The following HSD17B2 variants were observed in gnomAD, a reference collection of about 807,000 sequenced individuals.
HSD17B2 encodes the protein 17-beta-hydroxysteroid dehydrogenase type 2.
Under a neutral mutation model 26.9 loss-of-function variants are expected in HSD17B2, and 32 were observed. The observed-to-expected ratio is 1.19, with a 90% confidence interval of 0.90 to 1.60. The LOEUF (loss-of-function observed/expected upper bound fraction) is 1.60, where lower values mean the gene tolerates loss of function less well. Ranked by LOEUF, HSD17B2 falls within the 40% of genes most tolerant of loss-of-function variation. The pLI, the probability that HSD17B2 is intolerant of heterozygous loss-of-function variation, is 0.00. For missense variants in HSD17B2, 613 were observed against 468.6 expected, an observed-to-expected ratio of 1.31 and a Z score of -2.85; for synonymous variants, 246 against 186.7, an observed-to-expected ratio of 1.32 and a Z score of -2.59.
At chr16:82,073,936 A>C (rs1914754717) in intron 3 of HSD17B2, among the ~76,000 whole-genome samples, 1 of 152,210 alleles carries the variant, frequency 6.6e-6, no homozygotes, top group South Asian at 2.1e-4. Context: ...GCATCACACT[A>C]CCTGAATTCA....
At chr16:82,041,779 T>C (rs909883615) in intron 1 of HSD17B2, among the ~76,000 whole-genome samples, 53 of 152,206 alleles carry the variant, frequency 3.5e-4, no homozygotes, top group African/African-American at 1.2e-3. Context: ...CCTTCTTATA[T>C]GGCTGCATTC....
intron 3 of HSD17B2, among the ~76,000 whole-genome samples, chr16:82,081,890 A>G (rs1050145582): frequency 4.6e-5 from 7 of 152,314 alleles, no homozygotes; most frequent in African/African-American, 1.7e-4. Flanking sequence ...TGTGGTACAT[A>G]TGCAGCATGG....
chr16:82,035,327 T>C lies in HSD17B2; in HGVS notation c.-98T>C. On this transcript the variant is annotated 5_prime_UTR_variant, in exon 1 of 5. Transcript: ENST00000199936. ...TGGGGCTGCTTTCTCCCCTCCCTTC[T>C]TGACTCTCTGTTCACAGAACTCAGG... 8.4e-7 allele frequency: 1 copy of C among 1,192,750 alleles called. No homozygotes were observed. Among genetic ancestry groups the C allele is most frequent in the Non-Finnish European group, 1.2e-6 (1 of 838,804 alleles). The allele number at this position is 1,192,750 out of a possible 1,614,324, so 73.9% of individuals were successfully genotyped here.
Position 82,068,239 on chromosome 16 carries a change from G to C in HSD17B2, c.335G>C (p.Gly112Ala). 2 of 1,614,036 alleles carry C rather than the reference G, an allele frequency of 1.2e-6. No homozygotes were observed. The highest frequency in any genetic ancestry group is 1.7e-6 in the Non-Finnish European group (2 of 1,180,020). Residue 112 changes from glycine to alanine, a missense_variant, in exon 2 of 5, where the codon GGA becomes GCA. Physicochemically the swap from Gly to Ala is moderately conservative, Grantham distance 60. Transcript: ENST00000199936. Reference protein sequence around the residue: ...LDELGFTVFAGVLNENGPGAE... With the variant: ...LDELGFTVFAAVLNENGPGAE... ...GAGCTGGGCTTCACGGTATTTGCCG[G>C]AGTTTTGAATGAAAATGGCCCAGGA...
intron 1 of HSD17B2, among the ~76,000 whole-genome samples, chr16:82,056,839 T>C (rs911747868): frequency 1.3e-5 from 2 of 152,222 alleles, no homozygotes; most frequent in Non-Finnish European, 2.9e-5. Flanking sequence ...TAGAATCTTA[T>C]GGACGTAGGG....
At chr16:82,065,254 A>G (rs1914543006) in intron 1 of HSD17B2, among the ~76,000 whole-genome samples, 1 of 152,192 alleles carries the variant, frequency 6.6e-6, no homozygotes, top group African/African-American at 2.4e-5. Context: ...GACAGTTTGC[A>G]TGCCTTCATG....
At chr16:82,076,323 A>T (rs1904302123) in intron 3 of HSD17B2, among the ~76,000 whole-genome samples, 2 of 152,226 alleles carry the variant, frequency 1.3e-5, no homozygotes. Context: ...TCTAAGATCT[A>T]GAACACGACA....
chr16:82,037,719 A>G (rs370524151), intron 1 of HSD17B2, among the ~76,000 whole-genome samples: 1 of 152,238 alleles, frequency 6.6e-6, no homozygotes, highest in East Asian at 1.9e-4. Context: ...GGGTATAACA[A>G]TGTGCAACCA....
intron 1 of HSD17B2, among the ~76,000 whole-genome samples, chr16:82,047,388 G>A (rs1391700328): frequency 6.6e-6 from 1 of 152,194 alleles, no homozygotes; most frequent in Non-Finnish European, 1.5e-5. Flanking sequence ...GTGTGGAAAG[G>A]GGATTAGAAT....
intron 3 of HSD17B2, among the ~76,000 whole-genome samples, chr16:82,080,819 C>T (rs139178871): frequency 1.8e-4 from 28 of 152,322 alleles, no homozygotes; most frequent in Admixed American, 9.1e-4. Flanking sequence ...TGAAGGAACG[C>T]TTAGCACTTT....
At chr16:82,077,423 C>A (rs1904308118) in intron 3 of HSD17B2, among the ~76,000 whole-genome samples, 1 of 152,164 alleles carries the variant, frequency 6.6e-6, no homozygotes, top group Non-Finnish European at 1.5e-5. Context: ...AAAGGACAGT[C>A]TATTCAATAA....
chr16:82,079,996 G>A (rs1460017608), intron 3 of HSD17B2, among the ~76,000 whole-genome samples: 1 of 152,006 alleles, frequency 6.6e-6, no homozygotes, highest in African/African-American at 2.4e-5. Context: ...GCACGTGGTT[G>A]CCCTGACCCA....
At position 82,035,490 on chromosome 16, in the gene HSD17B2, A is replaced by G. The variant is rs1367156173; in HGVS notation, c.66A>G (p.Thr22=). The G allele has an allele frequency of 1.9e-6, 3 of 1,613,936 alleles. No individual in the cohort carries two copies. In the African/African-American group the frequency reaches 4.0e-5, roughly 22 times the overall value. ...CTGTCCCCACAGTACTATGTGGGACAGTATTTTGCAAATACAAGAAGAGCT... is the reference window on the plus strand; with the variant it reads ...CTGTCCCCACAGTACTATGTGGGACGGTATTTTGCAAATACAAGAAGAGCT... ...CLAVPTVLCG[T]VFCKYKKSSG... The change falls in exon 1 of 5, where the codon ACA becomes ACG. Residue 22 remains threonine, a synonymous_variant. Coordinates refer to ENST00000199936, the MANE Select transcript of HSD17B2 (RefSeq NM_002153.3).
At chr16:82,077,938 C>T (rs920096861) in intron 3 of HSD17B2, among the ~76,000 whole-genome samples, 3 of 152,116 alleles carry the variant, frequency 2.0e-5, no homozygotes, top group Non-Finnish European at 2.9e-5. Context: ...AACTGTGAAA[C>T]TATTGTACTA....
At chr16:82,043,118 G>A (rs1464455445) in intron 1 of HSD17B2, among the ~76,000 whole-genome samples, 1 of 152,152 alleles carries the variant, frequency 6.6e-6, no homozygotes, top group African/African-American at 2.4e-5. Flanking sequence ...TTCTTATTCA[G>A]GCTATCACAG....
rs8191093 is a variant in HSD17B2 at position 82,050,049 on chromosome 16, C to A, written c.265+14360C>A. On this transcript the variant is annotated intron_variant, in intron 1 of 4. Transcript: ENST00000199936. ...CCTGGGCATTGGTGTTTCTTTAGAG[C>A]GCCTCCGTCCCAGGTGAAGCTAATG... Among the ~76,000 whole-genome samples, 851 of 152,334 alleles carry A rather than the reference C, an allele frequency of 5.6e-3. 10 individuals are homozygous for A. Among genetic ancestry groups the A allele is most frequent in the African/African-American group, 0.018 (748 of 41,564 alleles).
At chr16:82,096,684 T>C (rs1810330049) in intron 4 of HSD17B2, 1 of 152,068 alleles carries the variant, frequency 6.6e-6, no homozygotes, top group African/African-American at 2.4e-5. Flanking sequence ...AAAAGATGAG[T>C]GTCTGTGGCA....
chr16:82,041,854 G>C (rs998787364), intron 1 of HSD17B2, among the ~76,000 whole-genome samples: 2 of 152,054 alleles, frequency 1.3e-5, no homozygotes, highest in African/African-American at 4.8e-5. Context: ...GAGAGGACTG[G>C]CAAATCGTGG....
intron 1 of HSD17B2, among the ~76,000 whole-genome samples, chr16:82,053,232 T>G (rs71400193): frequency 0.025 from 3,840 of 152,218 alleles, 68 homozygotes; most frequent in Middle Eastern, 0.051. Flanking sequence ...GGAGCCCACG[T>G]ACATCAGGGA....
Sources: allele counts gnomAD v4.1 joint callset (sites outside exome capture counted in the v4.1 genomes callset), GRCh38; gene constraint gnomAD v4.1.1; transcripts MANE v1.5; gene names NCBI Gene and HGNC (gene_info 2026-07-23, HGNC 2026-07-21).